Variants in MAP7 observed in about 807,000 individuals in gnomAD.
MAP7 encodes the protein ensconsin.
A neutral mutation model predicts 94.8 loss-of-function variants in MAP7; 52 were observed. That is an observed-to-expected ratio of 0.55 (90% CI 0.44 to 0.69). MAP7 has a LOEUF of 0.69. MAP7 is among the 30% of genes least tolerant of loss of function. The pLI is 0.00. For synonymous variants in MAP7, 350 were observed against 357.0 expected, an observed-to-expected ratio of 0.98 and a Z score of 0.22; for missense variants, 940 against 964.6, an observed-to-expected ratio of 0.97 and a Z score of 0.34.
intron 1 of MAP7, among the ~76,000 whole-genome samples, chr6:136,479,216 C>T (rs954515190): frequency 3.3e-5 from 5 of 152,130 alleles, no homozygotes; most frequent in African/African-American, 9.6e-5. Flanking sequence ...GGTTCAACAT[C>T]GCAAACTCAA....
At chr6:136,420,331 GC>G in intron 2 of MAP7, 1 of 693,972 alleles carries the variant, frequency 1.4e-6, no homozygotes, top group Non-Finnish European at 2.6e-6. Flanking sequence ...CCACCCGCTT[GC>G]CCTGCGTGCC....
intron 1 of MAP7, among the ~76,000 whole-genome samples, chr6:136,462,612 C>G (rs1215365110): frequency 6.6e-6 from 1 of 151,884 alleles, no homozygotes; most frequent in Non-Finnish European, 1.5e-5. Context: ...TCCATTTAAC[C>G]GAATATACTT....
chr6:136,377,832 A>T lies in MAP7; in HGVS notation c.674T>A (p.Val225Asp). ...TGTGGGCGTCAGGAGTCTGTTAACAACGCTGCTCTCCCATGGGCTGAGCTG... is the reference window on the plus strand; with the variant it reads ...TGTGGGCGTCAGGAGTCTGTTAACATCGCTGCTCTCCCATGGGCTGAGCTG... ...RLQLSPWESS[V>D]VNRLLTPTHS... The change falls in exon 7 of 18, where the codon GTT becomes GAT. Residue 225 changes from valine (V) to aspartate (D), a missense_variant. Transcript: ENST00000354570. 1 of 1,614,052 alleles carries T rather than the reference A, an allele frequency of 6.2e-7. No homozygotes were observed. The highest frequency in any genetic ancestry group is 8.5e-7 in the Non-Finnish European group (1 of 1,179,964).
chr6:136,539,802 A>C (rs1829164466), intron 1 of MAP7, among the ~76,000 whole-genome samples: 1 of 152,158 alleles, frequency 6.6e-6, no homozygotes, highest in Non-Finnish European at 1.5e-5. Flanking sequence ...AACATAGAGA[A>C]ATCTCATCTC....
intron 5 of MAP7, 29 bp downstream of exon 5, chr6:136,388,364 G>T: frequency 6.7e-7 from 1 of 1,501,164 alleles, no homozygotes; most frequent in South Asian, 1.2e-5. Context: ...GGAAAATAAA[G>T]ACTAATTTTC....
At chr6:136,390,839 GAGA>G (rs1024729594) in intron 3 of MAP7, among the ~76,000 whole-genome samples, 4 of 152,124 alleles carry the variant, frequency 2.6e-5, no homozygotes, top group Admixed American at 6.6e-5. Context: ...TGAAGAAAAG[GAGA>G]AGGACAAATT....
intron 2 of MAP7, among the ~76,000 whole-genome samples, chr6:136,413,339 A>G (rs1467675458): frequency 1.3e-5 from 2 of 152,134 alleles, no homozygotes; most frequent in East Asian, 1.9e-4. Flanking sequence ...CCTGGCCAAC[A>G]TGGCAAAACC....
At chr6:136,365,589 T>C in intron 10 of MAP7, 146 bp downstream of exon 10, 1 of 805,218 alleles carries the variant, frequency 1.2e-6, no homozygotes, top group Non-Finnish European at 1.9e-6. Context: ...TAAAATATTA[T>C]ACTTAAGGAA....
At chr6:136,457,276 C>T (rs1430550393) in intron 1 of MAP7, among the ~76,000 whole-genome samples, 2 of 150,922 alleles carry the variant, frequency 1.3e-5, no homozygotes, top group Admixed American at 1.3e-4. Context: ...TCTGAACACA[C>T]CTTTAAATAG....
At chr6:136,420,320 A>G in intron 2 of MAP7, 3 of 728,546 alleles carry the variant, frequency 4.1e-6, no homozygotes, top group Non-Finnish European at 4.9e-6. Flanking sequence ...CGTGACCAAC[A>G]CCACCCGCTT....
chr6:136,549,959 T>C (rs75683669), intron 1 of MAP7, among the ~76,000 whole-genome samples: 1,794 of 152,288 alleles, frequency 0.012, 27 homozygotes, highest in Non-Finnish European at 0.017. Context: ...GACGACTCTC[T>C]GGCCACTGGT....
intron 11 of MAP7, among the ~76,000 whole-genome samples, chr6:136,361,400 G>T (rs1792723982): frequency 6.6e-6 from 1 of 152,212 alleles, no homozygotes. Flanking sequence ...TAGAAGCAAC[G>T]TGTAACCACC....
chr6:136,507,563 C>T (rs1362573109), intron 1 of MAP7, among the ~76,000 whole-genome samples: 1 of 148,896 alleles, frequency 6.7e-6, no homozygotes, highest in Non-Finnish European at 1.5e-5. Flanking sequence ...TAAAAAAACA[C>T]AAAATTTAGA....
intron 1 of MAP7, among the ~76,000 whole-genome samples, chr6:136,430,913 G>A (rs1432433488): frequency 1.3e-5 from 2 of 152,050 alleles, no homozygotes; most frequent in African/African-American, 2.4e-5. Flanking sequence ...CGCCCCCACC[G>A]CCTATCCCAC....
At chr6:136,350,441 T>TAAATCACAAAACA (rs1385862468) in intron 16 of MAP7, among the ~76,000 whole-genome samples, 1 of 152,266 alleles carries the variant, frequency 6.6e-6, no homozygotes, top group East Asian at 1.9e-4. Context: ...ATTTGTCATT[T>TAAATCACAAAACA]AAAGTTTTTA....
intron 3 of MAP7, among the ~76,000 whole-genome samples, chr6:136,395,922 T>C (rs1332022362): frequency 1.3e-5 from 2 of 152,174 alleles, no homozygotes. Context: ...TATGTGTCTG[T>C]TTTTATGGCA....
intron 1 of MAP7, among the ~76,000 whole-genome samples, chr6:136,538,033 C>T (rs570071215): frequency 5.3e-5 from 8 of 152,302 alleles, no homozygotes; most frequent in Admixed American, 1.3e-4. Flanking sequence ...CAGCCGGCCT[C>T]GGCCTCCCAA....
At chr6:136,448,267 G>A (rs1799954940) in intron 1 of MAP7, among the ~76,000 whole-genome samples, 1 of 152,162 alleles carries the variant, frequency 6.6e-6, no homozygotes, top group African/African-American at 2.4e-5. Context: ...AGGCAACAAT[G>A]CTCTGGTGTC....
chr6:136,366,399 A>T lies in MAP7; in HGVS notation c.917T>A (p.Leu306His). Residue 306 changes from leucine to histidine, a missense_variant, in exon 9 of 18, where the codon CTC becomes CAC. Coordinates refer to ENST00000354570, the MANE Select transcript of MAP7 (RefSeq NM_003980.6). The stretch of plus-strand genomic sequence containing the variant: ...TACAGCCCTTCGGGTGCCAGATGTG[A>T]GGAAGAGTACATTTTCTCTCTCTCT... ...KERERENVLF[L>H]TSGTRRAVSP... The T allele has an allele frequency of 6.2e-7, 1 of 1,614,132 alleles. No homozygotes were observed. Among genetic ancestry groups the T allele is most frequent in the Non-Finnish European group, 8.5e-7 (1 of 1,179,962 alleles).
Sources: gnomAD v4.1 joint callset for allele counts (sites outside exome capture counted in the v4.1 genomes callset) on GRCh38, gnomAD v4.1.1 for gene constraint, MANE v1.5 for transcripts, NCBI Gene and HGNC (gene_info 2026-07-23, HGNC 2026-07-21) for gene names.